Variants in SHISA9 observed in about 807,000 individuals in gnomAD.
The protein encoded by SHISA9 is protein shisa-9.
SHISA9 carries 13 observed loss-of-function variants against 38.0 expected under a neutral mutation model. The observed-to-expected ratio is 0.34, with a 90% CI of 0.22 to 0.54. The LOEUF (loss-of-function observed/expected upper bound fraction) is 0.54, where lower values mean the gene tolerates loss of function less well. SHISA9 is among the 20% of genes least tolerant of loss of function. The pLI is 0.91. For missense variants in SHISA9, 538 were observed against 575.8 expected (o/e 0.93, Z 0.67); for synonymous variants, 275 against 242.0 (o/e 1.14, Z -1.27).
At chr16:12,951,148 G>A (rs1198248843) in intron 2 of SHISA9, among the ~76,000 whole-genome samples, 1 of 134,890 alleles carries the variant, frequency 7.4e-6, no homozygotes, top group Non-Finnish European at 1.5e-5. Context: ...TTGAACCCAG[G>A]AGGTGGAGGT....
intron 2 of SHISA9, among the ~76,000 whole-genome samples, chr16:13,037,078 A>AC (rs1336795816): frequency 2.8e-3 from 284 of 102,226 alleles, no homozygotes; most frequent in Non-Finnish European, 4.8e-3. Context: ...ACACACACAC[A>AC]CACACCACAC....
chr16:12,982,775 A>G (rs944877823), intron 2 of SHISA9, among the ~76,000 whole-genome samples: 4 of 152,342 alleles, frequency 2.6e-5, no homozygotes, highest in Middle Eastern at 6.8e-3. Flanking sequence ...GTGGGCAGGT[A>G]TGATAATTTC....
At chr16:13,084,793 G>C (rs1295969689) in intron 2 of SHISA9, among the ~76,000 whole-genome samples, 1 of 152,096 alleles carries the variant, frequency 6.6e-6, no homozygotes, top group Admixed American at 6.5e-5. Context: ...AACAAATGGA[G>C]ATATAAAGAA....
the SHISA9 span, among the ~76,000 whole-genome samples, chr16:13,249,187 C>T: frequency 1.4e-4 from 21 of 152,172 alleles, no homozygotes; most frequent in Non-Finnish European, 2.1e-4. Context: ...TTCTCAGAGA[C>T]ATTAGTCCTG....
intron 2 of SHISA9, among the ~76,000 whole-genome samples, chr16:13,060,817 G>A (rs147729551): frequency 6.6e-6 from 1 of 152,180 alleles, no homozygotes; most frequent in Admixed American, 6.5e-5. Flanking sequence ...CCAAGGGCTG[G>A]CGTGGGAGTT....
intron 2 of SHISA9, among the ~76,000 whole-genome samples, chr16:13,017,976 C>T (rs888020637): frequency 1.3e-5 from 2 of 152,208 alleles, no homozygotes; most frequent in Admixed American, 6.5e-5. Flanking sequence ...AAATTTTTGG[C>T]TACTTAAAAG....
intron 1 of SHISA9, among the ~76,000 whole-genome samples, chr16:12,914,511 G>T (rs1013030422): frequency 1.3e-5 from 2 of 152,130 alleles, no homozygotes; most frequent in South Asian, 4.1e-4. Context: ...AACAATGAAA[G>T]AATGATAGCT....
At chr16:13,205,995 C>T (rs2051060155) in intron 3 of SHISA9, among the ~76,000 whole-genome samples, 1 of 151,286 alleles carries the variant, frequency 6.6e-6, no homozygotes, top group Admixed American at 6.6e-5. Flanking sequence ...GAACTCCTGA[C>T]TTCAAATGAT....
In SHISA9 at chr16:13,237,560, G is replaced by A. The variant is rs1296085919; in HGVS notation, c.*2151G>A. ...TGCCTGTAATCCCAACTACTCGAGA[G>A]GCTGAGGCAGGAGAATCGCTTAAAC... On this transcript the variant is annotated 3_prime_UTR_variant, in exon 5 of 5. Coordinates refer to ENST00000558583, the MANE Select transcript of SHISA9 (RefSeq NM_001145204.3). 6.6e-6 allele frequency: 1 copy of A among 151,556 alleles called. No individual in the cohort carries two copies. The highest frequency in any genetic ancestry group is 2.4e-5 in the African/African-American group (1 of 41,172). The allele number at this position is 151,556 out of a possible 1,614,324, so 9.4% of individuals were successfully genotyped here.
At chr16:13,270,619 C>T in the SHISA9 span, among the ~76,000 whole-genome samples, 39 of 152,254 alleles carry the variant, frequency 2.6e-4, no homozygotes, top group African/African-American at 8.7e-4. Context: ...AAGAAGACTT[C>T]GGTTGCAATG....
the SHISA9 span, among the ~76,000 whole-genome samples, chr16:13,292,939 C>G: frequency 1.3e-5 from 2 of 152,138 alleles, no homozygotes; most frequent in Non-Finnish European, 2.9e-5. Flanking sequence ...GTATTGATCC[C>G]CATTCTAAAG....
chr16:13,462,274 A>G, the SHISA9 span, among the ~76,000 whole-genome samples: 1 of 152,112 alleles, frequency 6.6e-6, no homozygotes, highest in African/African-American at 2.4e-5. Context: ...AAATAAATAA[A>G]TAGAGTCAAA....
At chr16:13,325,024 A>T in the SHISA9 span, among the ~76,000 whole-genome samples, 2 of 152,172 alleles carry the variant, frequency 1.3e-5, no homozygotes, top group African/African-American at 2.4e-5. Flanking sequence ...GGATTGGGGA[A>T]GCCAAGTTTC....
chr16:12,971,722 G>A (rs567958131), intron 2 of SHISA9, among the ~76,000 whole-genome samples: 30 of 152,268 alleles, frequency 2.0e-4, no homozygotes, highest in Middle Eastern at 6.8e-3. Context: ...CATCATTGTT[G>A]TAGGGGTGGA....
At chr16:13,033,452 C>A (rs1216272618) in intron 2 of SHISA9, among the ~76,000 whole-genome samples, 1 of 152,148 alleles carries the variant, frequency 6.6e-6, no homozygotes, top group African/African-American at 2.4e-5. Context: ...TTTTCAGAAG[C>A]CTTTCTTTTT....
chr16:13,456,456 A>T, the SHISA9 span, among the ~76,000 whole-genome samples: 1 of 152,216 alleles, frequency 6.6e-6, no homozygotes, highest in Non-Finnish European at 1.5e-5. Flanking sequence ...GAATGAATGA[A>T]TCGTTCACTG....
At chr16:12,903,308 C>T (rs2071046484) in intron 1 of SHISA9, among the ~76,000 whole-genome samples, 1 of 152,186 alleles carries the variant, frequency 6.6e-6, no homozygotes, top group Non-Finnish European at 1.5e-5. Flanking sequence ...GGGGCCGTGG[C>T]CATCGCTGCA....
chr16:13,345,085 G>A, the SHISA9 span, among the ~76,000 whole-genome samples: 1 of 152,096 alleles, frequency 6.6e-6, no homozygotes. Context: ...CAAGCTGCTT[G>A]CTTGGGTACA....
At chr16:13,018,307 C>T (rs538981329) in intron 2 of SHISA9, among the ~76,000 whole-genome samples, 4 of 152,328 alleles carry the variant, frequency 2.6e-5, no homozygotes, top group East Asian at 3.9e-4. Flanking sequence ...ATCTGGCCTC[C>T]AATTTGAATC....
Sources: gnomAD v4.1 joint callset for allele counts (sites outside exome capture counted in the v4.1 genomes callset) on GRCh38, gnomAD v4.1.1 for gene constraint, MANE v1.5 for transcripts, NCBI Gene and HGNC (gene_info 2026-07-23, HGNC 2026-07-21) for gene names.